MAD1L1: variants seen among roughly 807,000 people sequenced by gnomAD.
The protein encoded by MAD1L1 is mitotic spindle assembly checkpoint protein MAD1.
MAD1L1 carries 95 observed loss-of-function variants against 96.9 expected under a neutral mutation model. The ratio of observed to expected loss-of-function variants is 0.98; its 90% CI spans 0.83 to 1.16. MAD1L1 has a LOEUF of 1.16. MAD1L1 is among the 50% of genes most tolerant of loss of function. MAD1L1 has a pLI of 0.00. For synonymous variants in MAD1L1, 473 were observed against 396.6 expected, an observed-to-expected ratio of 1.19 and a Z score of -2.29; for missense variants, 1,007 against 954.4, an observed-to-expected ratio of 1.06 and a Z score of -0.73.
At chr7:2,221,744 T>C (rs1432715850) in intron 5 of MAD1L1, among the ~76,000 whole-genome samples, 1 of 152,144 alleles carries the variant, frequency 6.6e-6, no homozygotes, top group African/African-American at 2.4e-5. Context: ...CAGTCAAAGA[T>C]ATGCAAATCC....
intron 12 of MAD1L1, among the ~76,000 whole-genome samples, chr7:2,033,736 C>A (rs999379446): frequency 2.6e-5 from 4 of 152,226 alleles, no homozygotes; most frequent in Non-Finnish European, 5.9e-5. Flanking sequence ...CAGTCACGGG[C>A]GCTTCTGGAA....
chr7:2,021,635 G>C (rs1012791541), intron 12 of MAD1L1, among the ~76,000 whole-genome samples: 2 of 152,070 alleles, frequency 1.3e-5, no homozygotes, highest in African/African-American at 2.4e-5. Flanking sequence ...CATGGTAATA[G>C]GCGCCTGTAA....
intron 10 of MAD1L1, among the ~76,000 whole-genome samples, chr7:2,151,366 C>T (rs1249719826): frequency 6.6e-6 from 1 of 152,254 alleles, no homozygotes. Context: ...TCCACCTACA[C>T]AGCCAAGACC....
chr7:1,870,722 C>T (rs1583609720), intron 18 of MAD1L1, among the ~76,000 whole-genome samples: 1 of 141,500 alleles, frequency 7.1e-6, no homozygotes, highest in South Asian at 2.4e-4. Flanking sequence ...ACTGAACCCA[C>T]CGTAACACCT....
At chr7:2,093,374 C>T (rs1202819721) in intron 11 of MAD1L1, among the ~76,000 whole-genome samples, 1 of 151,904 alleles carries the variant, frequency 6.6e-6, no homozygotes, top group Non-Finnish European at 1.5e-5. Flanking sequence ...GTAAATAGTG[C>T]ATGCAGTATT....
At chr7:2,121,222 A>G (rs542451375) in intron 11 of MAD1L1, among the ~76,000 whole-genome samples, 26 of 152,324 alleles carry the variant, frequency 1.7e-4, no homozygotes, top group Non-Finnish European at 3.7e-4. Context: ...CCCCATTTCC[A>G]TGTGAGGTGT....
chr7:1,909,488 C>T (rs368418153), intron 17 of MAD1L1, among the ~76,000 whole-genome samples: 6 of 152,228 alleles, frequency 3.9e-5, no homozygotes, highest in African/African-American at 1.2e-4. Context: ...TATGGCTGTG[C>T]GATTTGTATC....
rs1163206597 is a variant in MAD1L1 at position 2,060,037 on chromosome 7, C to T, written c.1218+9157G>A. ...GGCATTCATGGTTCACAAGATACGC[C>T]GATGCCGAGATACACCGATGCCGAG... On this transcript the variant is annotated intron_variant, in intron 12 of 18. Coordinates refer to ENST00000265854, the MANE Select transcript of MAD1L1 (RefSeq NM_001013836.2). 3.9e-5 allele frequency among the ~76,000 whole-genome samples: 6 copies of T among 151,956 alleles called. No individual in the cohort carries two copies. The East Asian group carries it at 5.8e-4, about 15-fold the overall frequency.
At chr7:2,085,687 C>T (rs541198428) in intron 11 of MAD1L1, among the ~76,000 whole-genome samples, 6 of 152,318 alleles carry the variant, frequency 3.9e-5, no homozygotes, top group African/African-American at 9.6e-5. Context: ...TAACTCCTCG[C>T]TGGGTGGACA....
At chr7:1,951,271 G>A (rs759582607) in intron 16 of MAD1L1, among the ~76,000 whole-genome samples, 50 of 152,264 alleles carry the variant, frequency 3.3e-4, no homozygotes, top group Middle Eastern at 3.2e-3. Context: ...AGCAGGTGCA[G>A]GACCAGCTGG....
intron 14 of MAD1L1, among the ~76,000 whole-genome samples, chr7:1,998,641 G>T (rs1002637458): frequency 6.6e-6 from 1 of 152,188 alleles, no homozygotes; most frequent in Non-Finnish European, 1.5e-5. Flanking sequence ...CTCACTGAAG[G>T]GTCCAGAAAG....
intron 10 of MAD1L1, among the ~76,000 whole-genome samples, chr7:2,206,824 G>A (rs1792619459): frequency 1.3e-5 from 2 of 151,776 alleles, no homozygotes; most frequent in African/African-American, 2.4e-5. Context: ...GCTCATGCCT[G>A]TAATCCCAGC....
intron 14 of MAD1L1, among the ~76,000 whole-genome samples, chr7:1,984,518 C>T (rs907801993): frequency 8.5e-5 from 13 of 152,220 alleles, no homozygotes; most frequent in Admixed American, 5.2e-4. Context: ...TTGACAATTT[C>T]GCCTTGAATC....
intron 18 of MAD1L1, among the ~76,000 whole-genome samples, chr7:1,855,749 G>A (rs1327437327): frequency 2.0e-5 from 3 of 152,226 alleles, no homozygotes; most frequent in Admixed American, 6.5e-5. Flanking sequence ...CCTGTTCTCG[G>A]CAACATCTGC....
intron 10 of MAD1L1, among the ~76,000 whole-genome samples, chr7:2,207,077 CAAAA>C (rs201353849): frequency 1.1e-4 from 6 of 56,062 alleles, no homozygotes; most frequent in Non-Finnish European, 1.1e-4. Context: ...GATTCCGTCT[CAAAA>C]AAAAAAAAAA....
chr7:2,031,031 A>G (rs953880599), intron 12 of MAD1L1, among the ~76,000 whole-genome samples: 1 of 152,208 alleles, frequency 6.6e-6, no homozygotes. Flanking sequence ...CTGGATTCGG[A>G]GGAGCCCCCA....
intron 10 of MAD1L1, among the ~76,000 whole-genome samples, chr7:2,167,933 C>T (rs1034145486): frequency 3.9e-5 from 6 of 152,148 alleles, no homozygotes; most frequent in Non-Finnish European, 8.8e-5. Context: ...CTCCCCACCG[C>T]ACCTATCTTA....
intron 12 of MAD1L1, among the ~76,000 whole-genome samples, chr7:2,040,759 T>C (rs759503596): frequency 6.6e-6 from 1 of 152,172 alleles, no homozygotes; most frequent in African/African-American, 2.4e-5. Flanking sequence ...CTGGCCTCCA[T>C]CCCGCAGAGG....
intron 18 of MAD1L1, chr7:1,854,310 G>T (rs1784130185): frequency 2.2e-6 from 1 of 452,258 alleles, no homozygotes; most frequent in Non-Finnish European, 4.4e-6. Flanking sequence ...GCAGCGAGCG[G>T]ACGTCCTGGG....
Sources: allele counts gnomAD v4.1 joint callset (sites outside exome capture counted in the v4.1 genomes callset), GRCh38; gene constraint gnomAD v4.1.1; transcripts MANE v1.5; gene names NCBI Gene and HGNC (gene_info 2026-07-23, HGNC 2026-07-21).